The following C12orf50 variants were observed in gnomAD, a reference collection of about 807,000 sequenced individuals.
The protein encoded by C12orf50 is zinc finger CCCH-type containing 11D, also known as uncharacterized protein C12orf50.
In C12orf50, 35 loss-of-function variants were observed where a neutral mutation model predicts 61.6. The ratio of observed to expected loss-of-function variants is 0.57; its 90% CI spans 0.43 to 0.75. The LOEUF is 0.75. Among genes scored for constraint, C12orf50 ranks in the 30% least tolerant of loss-of-function variants. The probability of loss-of-function intolerance (pLI) is 0.00; values close to 1 mark genes in which losing one functional copy is unlikely to be tolerated. For synonymous variants in C12orf50, 178 were observed against 161.5 expected (o/e 1.10, Z -0.77); for missense variants, 475 against 488.5 (o/e 0.97, Z 0.26).
At chr12:87,989,207 G>A in intron 8 of C12orf50, 57 bp downstream of exon 8, 1 of 1,213,986 alleles carries the variant, frequency 8.2e-7, no homozygotes, top group South Asian at 1.3e-5. Flanking sequence ...AAGCAAGCTT[G>A]TCTTTAACTT....
chr12:87,989,176 T>C, intron 8 of C12orf50, 88 bp downstream of exon 8: 1 of 867,832 alleles, frequency 1.2e-6, no homozygotes, highest in South Asian at 1.7e-5. Context: ...TTATTACCAT[T>C]CCTCTATTGG....
At chr12:87,993,597 A>G (rs2031238017) in intron 7 of C12orf50, among the ~76,000 whole-genome samples, 1 of 152,180 alleles carries the variant, frequency 6.6e-6, no homozygotes, top group African/African-American at 2.4e-5. Flanking sequence ...TGGGGGGCAC[A>G]CAGAAGAAAA....
intron 8 of C12orf50, among the ~76,000 whole-genome samples, chr12:87,988,771 G>A (rs2030973231): frequency 6.6e-6 from 1 of 152,124 alleles, no homozygotes; most frequent in Non-Finnish European, 1.5e-5. Flanking sequence ...CTGCGACTGA[G>A]AGGCACTCAG....
At chr12:88,002,805 T>A (rs1483313444) in intron 3 of C12orf50, among the ~76,000 whole-genome samples, 5 of 151,716 alleles carry the variant, frequency 3.3e-5, no homozygotes, top group African/African-American at 1.2e-4. Context: ...TTTTCTAGTA[T>A]AATATTAAAT....
At chr12:88,026,352 A>C (rs746834047) in intron 3 of C12orf50, 136 bp downstream of exon 3, 19 of 954,940 alleles carry the variant, frequency 2.0e-5, no homozygotes, top group Admixed American at 5.9e-5. Flanking sequence ...CTCATGTAGA[A>C]TCATTCCAAA....
chr12:88,029,860 A>G (rs2032832313), upstream of C12orf50, among the ~76,000 whole-genome samples: 1 of 152,196 alleles, frequency 6.6e-6, no homozygotes, highest in Admixed American at 6.5e-5. Context: ...ATATTGGGCT[A>G]CTTATTCATC....
Position 87,987,860 on chromosome 12 carries a change from G to T in C12orf50, c.807C>A (p.Asp269Glu), listed in dbSNP as rs762561237. 2 of 1,594,850 alleles carry T rather than the reference G, an allele frequency of 1.3e-6. No individual in the cohort carries two copies. Among genetic ancestry groups the T allele is most frequent in the Non-Finnish European group, 1.7e-6 (2 of 1,164,676 alleles). ...TENISMKCRE[D>E]PSSMNDVQPV... ...GAGCTAATGTCTCACTTGAAGAGGG[G>T]TCCTCTCTGCACTTCATACTGATAT... is the stretch of plus-strand genomic sequence containing the variant. Residue 269 changes from aspartate (D) to glutamate (E), a missense_variant, in exon 9 of 13, where the codon GAC becomes GAA. Coordinates refer to ENST00000298699, the MANE Select transcript of C12orf50 (RefSeq NM_152589.3).
intron 12 of C12orf50, among the ~76,000 whole-genome samples, chr12:87,981,925 C>A (rs1367887550): frequency 6.6e-6 from 1 of 152,116 alleles, no homozygotes; most frequent in Non-Finnish European, 1.5e-5. Flanking sequence ...CACAGCCATA[C>A]CTCTATGCAT....
intron 8 of C12orf50, 79 bp downstream of exon 8, chr12:87,989,185 G>A (rs1183463988): frequency 3.5e-5 from 34 of 975,924 alleles, no homozygotes; most frequent in Non-Finnish European, 5.3e-5. Context: ...TTCCTCTATT[G>A]GTTTTTATAA....
chr12:88,014,960 A>G (rs1347235410), intron 3 of C12orf50, among the ~76,000 whole-genome samples: 1 of 152,244 alleles, frequency 6.6e-6, no homozygotes, highest in Non-Finnish European at 1.5e-5. Context: ...AACAAATGTT[A>G]AGCCTGAAGA....
chr12:87,992,903 T>C (rs1203725897), intron 7 of C12orf50, among the ~76,000 whole-genome samples: 2 of 152,188 alleles, frequency 1.3e-5, no homozygotes, highest in Non-Finnish European at 1.5e-5. Context: ...TTAATTATAA[T>C]TTCAGTTTTG....
chr12:88,029,114 C>A (rs905720716), intron 1 of C12orf50: 1 of 1,284,864 alleles, frequency 7.8e-7, no homozygotes, highest in Non-Finnish European at 1.0e-6. Context: ...TTCCCAACTT[C>A]TGCCATTTTC....
chr12:88,005,893 ATGTTTTTT>A (rs2031846715), intron 3 of C12orf50, among the ~76,000 whole-genome samples: 2 of 104,220 alleles, frequency 1.9e-5, no homozygotes, highest in South Asian at 3.2e-4. Flanking sequence ...ACAAAGGACT[ATGTTTTTT>A]TGTTTTTTTG....
chr12:87,989,016 C>T (rs2030986584), intron 8 of C12orf50, among the ~76,000 whole-genome samples: 1 of 151,942 alleles, frequency 6.6e-6, no homozygotes, highest in Admixed American at 6.6e-5. Context: ...TTTAAGAGAA[C>T]CAGTAACTTT....
At chr12:88,014,250 C>G (rs2032222240) in intron 3 of C12orf50, among the ~76,000 whole-genome samples, 1 of 151,990 alleles carries the variant, frequency 6.6e-6, no homozygotes, top group African/African-American at 2.4e-5. Context: ...TTGGAGTATA[C>G]TTTAAATGTT....
rs143771549 is a variant in C12orf50, at chr12:88,025,305, C to A, written c.133+1183G>T. On this transcript the variant is annotated intron_variant, in intron 3 of 12. Coordinates refer to ENST00000298699, the MANE Select transcript of C12orf50 (RefSeq NM_152589.3). ...GTAAGAGCAGGGAAGAAGTTAAGTACCAATGCTACTAGGTGGGTGGATGTG... is the reference window on the plus strand; with the variant it reads ...GTAAGAGCAGGGAAGAAGTTAAGTAACAATGCTACTAGGTGGGTGGATGTG... 6.7e-4 allele frequency among the ~76,000 whole-genome samples: 102 copies of A among 152,144 alleles called. 1 individual carries two copies. In the Middle Eastern group the frequency reaches 0.014, roughly 20 times the overall value.
intron 7 of C12orf50, among the ~76,000 whole-genome samples, chr12:87,990,751 G>C (rs1292564768): frequency 1.3e-5 from 2 of 152,050 alleles, no homozygotes; most frequent in African/African-American, 4.8e-5. Flanking sequence ...AGAAAGAGCC[G>C]AAAGTCTGGG....
intron 3 of C12orf50, among the ~76,000 whole-genome samples, chr12:88,004,522 A>T (rs968458008): frequency 6.6e-6 from 1 of 152,172 alleles, no homozygotes; most frequent in African/African-American, 2.4e-5. Context: ...CAGAAATACC[A>T]TTTGACCCAG....
chr12:87,986,460 C>T (rs1592646411), intron 9 of C12orf50, 44 bp from the exon 10 acceptor site: 2 of 1,393,370 alleles, frequency 1.4e-6, no homozygotes, highest in African/African-American at 1.5e-5. Flanking sequence ...GAGATGCTTT[C>T]ATCTCTGAAA....
Sources: gnomAD v4.1 joint callset for allele counts (sites outside exome capture counted in the v4.1 genomes callset) on GRCh38, gnomAD v4.1.1 for gene constraint, MANE v1.5 for transcripts, NCBI Gene and HGNC (gene_info 2026-07-23, HGNC 2026-07-21) for gene names.